The following DIP2C variants were observed in gnomAD, a reference collection of about 807,000 sequenced individuals.
The protein encoded by DIP2C is disco-interacting protein 2 homolog C.
DIP2C carries 33 observed loss-of-function variants against 192.4 expected under a neutral mutation model. That is an observed-to-expected ratio of 0.17 (90% confidence interval 0.13 to 0.23). The LOEUF (loss-of-function observed/expected upper bound fraction) is 0.23, where lower values mean the gene tolerates loss of function less well. Among genes scored for constraint, DIP2C ranks in the 10% least tolerant of loss-of-function variants. The probability of loss-of-function intolerance (pLI) is 1.00; values close to 1 mark genes in which losing one functional copy is unlikely to be tolerated. For missense variants in DIP2C, 1,537 were observed against 2,110.1 expected (o/e 0.73, Z 5.32); for synonymous variants, 979 against 864.1 (o/e 1.13, Z -2.33).
chr10:417,740 CAG>C (rs1238386205), intron 6 of DIP2C, among the ~76,000 whole-genome samples: 10 of 133,454 alleles, frequency 7.5e-5, no homozygotes, highest in African/African-American at 2.2e-4. Context: ...CTGCGCCTGT[CAG>C]GGCTCGGATA....
intron 31 of DIP2C, among the ~76,000 whole-genome samples, chr10:314,417 C>T (rs1410692661): frequency 6.6e-6 from 1 of 152,218 alleles, no homozygotes; most frequent in Admixed American, 6.5e-5. Context: ...TTCAGCTCAG[C>T]TTCCAGAGTG....
chr10:664,249 G>A (rs1045481713), intron 1 of DIP2C: 1 of 152,234 alleles, frequency 6.6e-6, no homozygotes, highest in Non-Finnish European at 1.5e-5. Flanking sequence ...AAACTCTGGG[G>A]TCTTGCAATC....
chr10:540,109 G>A (rs760267336), intron 1 of DIP2C, among the ~76,000 whole-genome samples: 3 of 152,202 alleles, frequency 2.0e-5, no homozygotes, highest in Non-Finnish European at 4.4e-5. Context: ...GAATATTAAA[G>A]CAAAATAAAA....
chr10:378,655 G>T (rs907979889), intron 17 of DIP2C, among the ~76,000 whole-genome samples: 3 of 147,304 alleles, frequency 2.0e-5, no homozygotes, highest in Admixed American at 1.3e-4. Context: ...AGACACACAT[G>T]AACAGATATG....
rs1205481524 is a variant in DIP2C, at chr10:329,570, G to C, written c.3616C>G (p.Pro1206Ala). 6.2e-7 allele frequency: 1 copy of C among 1,614,048 alleles called. No homozygotes were observed. Among genetic ancestry groups the C allele is most frequent in the Admixed American group, 1.7e-5 (1 of 60,000 alleles). ...VYSGHQSILI[P>A]PSELETNPAL... Reference sequence around the variant, plus strand: ...GGGTTGGTTTCCAGCTCAGAGGGCGGGATCAGGATGGACTGGTGCCCAGAA... The same window carrying C: ...GGGTTGGTTTCCAGCTCAGAGGGCGCGATCAGGATGGACTGGTGCCCAGAA... The change falls in exon 30 of 37, where the codon CCG (proline) becomes GCG (alanine). Residue 1206 changes from proline to alanine, a missense_variant. Transcript: ENST00000280886.
chr10:536,245 C>G (rs563987879), intron 1 of DIP2C, among the ~76,000 whole-genome samples: 2 of 152,374 alleles, frequency 1.3e-5, no homozygotes, highest in East Asian at 3.9e-4. Context: ...GCCCTTTTCT[C>G]TGTGTCTCAA....
intron 1 of DIP2C, among the ~76,000 whole-genome samples, chr10:627,873 G>A (rs1203467231): frequency 6.6e-6 from 1 of 152,210 alleles, no homozygotes; most frequent in Admixed American, 6.5e-5. Context: ...AACAGACCAC[G>A]CCCTCATTAC....
intron 3 of DIP2C, among the ~76,000 whole-genome samples, chr10:471,045 CAT>C (rs1970586753): frequency 6.6e-6 from 1 of 152,186 alleles, no homozygotes; most frequent in Non-Finnish European, 1.5e-5. Flanking sequence ...GAGACACCCA[CAT>C]GAGTAAGAGA....
chr10:341,543 C>T (rs774137107), intron 28 of DIP2C, among the ~76,000 whole-genome samples: 6 of 147,884 alleles, frequency 4.1e-5, no homozygotes, highest in Admixed American at 2.0e-4. Context: ...CGGGGCTGCA[C>T]TGAACGCAAG....
chr10:681,160 T>G lies in DIP2C; in HGVS notation c.85+8334A>C, dbSNP rs547619752. 6.4e-4 allele frequency among the ~76,000 whole-genome samples: 98 copies of G among 152,176 alleles called. No homozygotes were observed. The Middle Eastern group carries it at 0.01, about 16-fold the overall frequency. On this transcript the variant is annotated intron_variant, in intron 1 of 36. Coordinates refer to ENST00000280886, the MANE Select transcript of DIP2C (RefSeq NM_014974.3). The stretch of plus-strand genomic sequence containing the variant: ...TCAGTCCCATGGTGCAGCCACCACC[T>G]GTGGCCACAGAAATTCCAGGGAATG...
chr10:620,938 T>C (rs574877008), intron 1 of DIP2C, among the ~76,000 whole-genome samples: 18 of 152,358 alleles, frequency 1.2e-4, no homozygotes, highest in Middle Eastern at 6.8e-3. Context: ...CACGGGGTCA[T>C]GTGGGAAGAT....
chr10:590,739 A>G lies in DIP2C; in HGVS notation c.85+98755T>C, dbSNP rs59451193. 5.8e-3 allele frequency among the ~76,000 whole-genome samples: 881 copies of G among 152,332 alleles called. 8 individuals carry two copies. The highest frequency in any genetic ancestry group is 0.02 in the African/African-American group (837 of 41,560). The stretch of plus-strand genomic sequence containing the variant: ...ACCTAGTGCTAGAAAGCAGATTAAA[A>G]ATAGAAGGAACCCAGAAACGCTATT... On this transcript the variant is annotated intron_variant, in intron 1 of 36. Transcript: ENST00000280886.
chr10:569,446 G>T (rs1055004618), intron 1 of DIP2C, among the ~76,000 whole-genome samples: 1 of 152,146 alleles, frequency 6.6e-6, no homozygotes, highest in African/African-American at 2.4e-5. Context: ...AATGATGTGT[G>T]ACAACAGAAT....
chr10:475,791 T>C (rs1215686638), intron 2 of DIP2C, among the ~76,000 whole-genome samples: 1 of 152,162 alleles, frequency 6.6e-6, no homozygotes, highest in Non-Finnish European at 1.5e-5. Context: ...AACGATATGT[T>C]CCTGGAAGAA....
At chr10:396,830 G>T (rs561299434) in intron 10 of DIP2C, among the ~76,000 whole-genome samples, 2 of 65,480 alleles carry the variant, frequency 3.1e-5, no homozygotes, top group Admixed American at 1.8e-4. Context: ...ATCCGGTGGG[G>T]GGGGGGGAAA....
chr10:629,344 G>A (rs375768302), intron 1 of DIP2C, among the ~76,000 whole-genome samples: 310 of 152,240 alleles, frequency 2.0e-3, no homozygotes, highest in African/African-American at 5.3e-3. Flanking sequence ...GGGCGATCTT[G>A]ACCCCTCACC....
intron 1 of DIP2C, among the ~76,000 whole-genome samples, chr10:644,673 G>A (rs911819819): frequency 1.4e-5 from 2 of 145,048 alleles, no homozygotes; most frequent in South Asian, 2.2e-4. Flanking sequence ...AATCTCAGAC[G>A]TAGGGTTCAG....
At chr10:450,177 T>C (rs1184461705) in intron 3 of DIP2C, among the ~76,000 whole-genome samples, 1 of 152,228 alleles carries the variant, frequency 6.6e-6, no homozygotes, top group Non-Finnish European at 1.5e-5. Flanking sequence ...AGGTCCCACG[T>C]AGACATTCGG....
At chr10:669,444 G>GTTA (rs1857310077) in intron 1 of DIP2C, 1 of 152,186 alleles carries the variant, frequency 6.6e-6, no homozygotes, top group African/African-American at 2.4e-5. Flanking sequence ...TGGTAACAGT[G>GTTA]TTAGCGCTTT....
Sources: allele counts gnomAD v4.1 joint callset (sites outside exome capture counted in the v4.1 genomes callset), GRCh38; gene constraint gnomAD v4.1.1; transcripts MANE v1.5; gene names NCBI Gene and HGNC (gene_info 2026-07-23, HGNC 2026-07-21).